The following TDG variants were observed in gnomAD, a reference collection of about 807,000 sequenced individuals.
TDG encodes the protein G/T mismatch-specific thymine DNA glycosylase.
TDG carries 23 observed loss-of-function variants against 46.1 expected under a neutral mutation model. The observed-to-expected ratio is 0.50, with a 90% CI of 0.36 to 0.71. The LOEUF (loss-of-function observed/expected upper bound fraction) is 0.71. Ranked by LOEUF, TDG falls within the 30% of genes least tolerant of loss-of-function variation. The probability of loss-of-function intolerance (pLI) is 0.00; values close to 1 mark genes in which losing one functional copy is unlikely to be tolerated. For synonymous variants in TDG, 115 were observed against 161.3 expected (o/e 0.71, Z 2.18); for missense variants, 304 against 486.7 (o/e 0.62, Z 3.53).
At chr12:103,969,487 A>G (rs556080938) in intron 1 of TDG, among the ~76,000 whole-genome samples, 1 of 152,250 alleles carries the variant, frequency 6.6e-6, no homozygotes, top group Non-Finnish European at 1.5e-5. Context: ...TGTTCCTTTC[A>G]GTACCTTAAC....
chr12:103,980,222 TATATG>T, intron 3 of TDG, 150 bp downstream of exon 3: 9 of 1,089,756 alleles, frequency 8.3e-6, no homozygotes, highest in Non-Finnish European at 1.2e-5. Context: ...GAGGTTGTGT[TATATG>T]AGAGTGTTTA....
chr12:103,975,869 T>C (rs761449596), intron 1 of TDG, among the ~76,000 whole-genome samples: 2 of 147,072 alleles, frequency 1.4e-5, no homozygotes, highest in Non-Finnish European at 3.0e-5. Flanking sequence ...GCCATGTTGG[T>C]CAGGCTGGTT....
intron 1 of TDG, among the ~76,000 whole-genome samples, chr12:103,974,101 A>G (rs534359842): frequency 2.9e-4 from 44 of 151,982 alleles, no homozygotes; most frequent in African/African-American, 9.4e-4. Context: ...AGCTGCCAAC[A>G]TTTAGCCCAG....
chr12:103,977,022 A>T lies in TDG; in HGVS notation c.128A>T (p.Glu43Val), dbSNP rs751070999. ...GTGAATGAACAGCAAATGCCAGAAG[A>T]AGTTCCAGCCCCAGCTCCTGCTCAG... Reference protein sequence around the residue: ...AVVNEQQMPEEVPAPAPAQEP... With the variant: ...AVVNEQQMPEVVPAPAPAQEP... The change falls in exon 2 of 10, where the codon GAA (glutamate) becomes GTA (valine). Residue 43 changes from glutamate to valine, a missense_variant. Glu to Val is a moderately radical substitution (Grantham distance 121, BLOSUM62 -2). Coordinates refer to ENST00000392872, the MANE Select transcript of TDG (RefSeq NM_003211.6). 1.9e-5 allele frequency: 31 copies of T among 1,613,590 alleles called. No homozygotes were observed. The highest frequency in any genetic ancestry group is 2.5e-5 in the Non-Finnish European group (30 of 1,179,896).
At position 103,979,738 on chromosome 12, in the gene TDG, A is replaced by G. The variant is rs926392117; in HGVS notation, c.167-93A>G. Reference sequence around the variant, plus strand: ...AGAGCTTAATTTTGGGGAGACAGGTACAAAAGGTGCTAGTTGGGTAACTTT... The same window carrying G: ...AGAGCTTAATTTTGGGGAGACAGGTGCAAAAGGTGCTAGTTGGGTAACTTT... On this transcript the variant is annotated intron_variant, in intron 2 of 9. Transcript: ENST00000392872. 2.7e-6 allele frequency: 4 copies of G among 1,456,488 alleles called. No individual in the cohort carries two copies. In the African/African-American group the frequency reaches 5.7e-5, roughly 21 times the overall value. 90.2% of individuals were successfully genotyped at this position (1,456,488 alleles called of 1,614,324 possible). A position where few individuals can be genotyped will look rare whatever the true frequency, so the allele number is the denominator to read the frequency against.
rs1238761825 is a variant in TDG, at chr12:103,988,087, A to G, written c.*997A>G. On this transcript the variant is annotated 3_prime_UTR_variant, in exon 10 of 10. Coordinates refer to ENST00000392872, the MANE Select transcript of TDG (RefSeq NM_003211.6). The stretch of plus-strand genomic sequence containing the variant: ...ATCTGCATCATTGCTGTTTGTTACT[A>G]TAAATTAAATGAACCTCATGGAAAG... 2.0e-5 allele frequency: 3 copies of G among 152,736 alleles called. No homozygotes were observed. Among genetic ancestry groups the G allele is most frequent in the Admixed American group, 1.3e-4 (2 of 15,292 alleles). The allele number at this position is 152,736 out of a possible 1,614,324, so 9.5% of individuals were successfully genotyped here. A position where few individuals can be genotyped will look rare whatever the true frequency, so the allele number is the denominator to read the frequency against.
intron 2 of TDG, among the ~76,000 whole-genome samples, chr12:103,979,102 T>C (rs1273986142): frequency 4.4e-5 from 2 of 45,864 alleles, no homozygotes; most frequent in African/African-American, 1.6e-4. Flanking sequence ...GTTTTTCTTT[T>C]TTCTTTCTTT....
intron 2 of TDG, among the ~76,000 whole-genome samples, chr12:103,978,296 A>G (rs1871638679): frequency 6.6e-6 from 1 of 152,106 alleles, no homozygotes; most frequent in Non-Finnish European, 1.5e-5. Context: ...AGAAGTAACT[A>G]CCAGGTTTCT....
chr12:103,977,110 T>C, intron 2 of TDG, 50 bp downstream of exon 2: 2 of 1,568,986 alleles, frequency 1.3e-6, no homozygotes, highest in Middle Eastern at 1.7e-4. Flanking sequence ...TCAGCCAGCT[T>C]ATTTGAGAAA....
At position 103,980,205 on chromosome 12, in the gene TDG, G is replaced by C. The variant is rs531839375; in HGVS notation, c.408+133G>C. 194 of 1,266,192 alleles carry C rather than the reference G, an allele frequency of 1.5e-4. 2 individuals carry two copies. The African/African-American group carries it at 2.3e-3, about 15-fold the overall frequency. The allele number at this position is 1,266,192 out of a possible 1,614,324, so 78.4% of individuals were successfully genotyped here. The stretch of plus-strand genomic sequence containing the variant: ...ATCCTTTTGGTGGTAAATGGTGTCA[G>C]CTTCATGAGGTTGTGTTATATGAGA... On this transcript the variant is annotated intron_variant, in intron 3 of 9. Coordinates refer to ENST00000392872, the MANE Select transcript of TDG (RefSeq NM_003211.6).
intron 4 of TDG, among the ~76,000 whole-genome samples, chr12:103,981,955 A>G (rs960211714): frequency 2.0e-5 from 3 of 152,230 alleles, no homozygotes; most frequent in Non-Finnish European, 2.9e-5. Context: ...TTGAGGCTGC[A>G]GTTAGCCATA....
chr12:103,970,629 C>T (rs1213681992), intron 1 of TDG, among the ~76,000 whole-genome samples: 1 of 151,996 alleles, frequency 6.6e-6, no homozygotes. Context: ...TGCCTGTAGT[C>T]CTAGCTACTC....
chr12:103,969,680 G>A (rs1016063839), intron 1 of TDG, among the ~76,000 whole-genome samples: 37 of 152,328 alleles, frequency 2.4e-4, no homozygotes, highest in African/African-American at 8.9e-4. Flanking sequence ...CAGTGATAAA[G>A]TGTGGAATGA....
chr12:103,982,691 G>T (rs1044476847), intron 4 of TDG, 108 bp from the exon 5 acceptor site: 2 of 1,110,110 alleles, frequency 1.8e-6, no homozygotes, highest in Non-Finnish European at 2.6e-6. Context: ...CTTGAGCCTC[G>T]GTGGTCGAGG....
intron 4 of TDG, 68 bp from the exon 5 acceptor site, chr12:103,982,731 C>A: frequency 6.4e-7 from 1 of 1,554,950 alleles, no homozygotes; most frequent in Non-Finnish European, 8.8e-7. Context: ...TGCCACTACA[C>A]TCTAGCCTGG....
chr12:103,977,722 G>T (rs1182238991), intron 2 of TDG, among the ~76,000 whole-genome samples: 1 of 152,180 alleles, frequency 6.6e-6, no homozygotes, highest in African/African-American at 2.4e-5. Flanking sequence ...TTACAAATTA[G>T]CCTGGAAATA....
At chr12:103,976,896 T>C in intron 1 of TDG, 22 bp from the exon 2 acceptor site, 1 of 1,611,854 alleles carries the variant, frequency 6.2e-7, no homozygotes, top group Non-Finnish European at 8.5e-7. Context: ...TCATTACATC[T>C]CATGCTTCAT....
At chr12:103,975,684 CAG>C (rs1871504715) in intron 1 of TDG, among the ~76,000 whole-genome samples, 1 of 151,870 alleles carries the variant, frequency 6.6e-6, no homozygotes, top group Non-Finnish European at 1.5e-5. Flanking sequence ...TCTTTTGAGA[CAG>C]AATCTTGCTC....
intron 2 of TDG, among the ~76,000 whole-genome samples, chr12:103,978,891 A>G (rs184176011): frequency 2.4e-4 from 36 of 152,168 alleles, no homozygotes; most frequent in Admixed American, 1.9e-3. Flanking sequence ...CACCCACAAC[A>G]AAAAATTATG....
Sources: gnomAD v4.1 joint callset for allele counts (sites outside exome capture counted in the v4.1 genomes callset) on GRCh38, gnomAD v4.1.1 for gene constraint, MANE v1.5 for transcripts, NCBI Gene and HGNC (gene_info 2026-07-23, HGNC 2026-07-21) for gene names.